CIT: variants seen among roughly 807,000 people sequenced by gnomAD.
CIT encodes citron rho-interacting serine/threonine kinase.
Under a neutral mutation model 272.7 loss-of-function variants are expected in CIT, and 79 were observed. The ratio of observed to expected loss-of-function variants is 0.29; its 90% confidence interval spans 0.24 to 0.35. The LOEUF is 0.35. CIT is among the 10% of genes least tolerant of loss of function. The pLI is 1.00. For synonymous variants in CIT, 948 were observed against 995.6 expected, an observed-to-expected ratio of 0.95 and a Z score of 0.90; for missense variants, 1,909 against 2,618.3, an observed-to-expected ratio of 0.73 and a Z score of 5.91.
At chr12:119,870,321 C>T (rs61945774) in intron 2 of CIT, among the ~76,000 whole-genome samples, 5,969 of 152,012 alleles carry the variant, frequency 0.039, 149 homozygotes, top group Non-Finnish European at 0.057. Context: ...GAGGCCAAGA[C>T]GGGTGGATCA....
intron 4 of CIT, among the ~76,000 whole-genome samples, chr12:119,852,951 G>C (rs1036072248): frequency 3.3e-5 from 5 of 152,044 alleles, no homozygotes; most frequent in African/African-American, 4.8e-5. Context: ...GTGACGGTTA[G>C]TCTTATGTGT....
intron 44 of CIT, 96 bp from the exon 45 acceptor site, chr12:119,698,150 C>T: frequency 2.7e-6 from 3 of 1,113,734 alleles, no homozygotes; most frequent in South Asian, 1.2e-5. Flanking sequence ...ACCCAGCAAT[C>T]CTGTGTAAAG....
chr12:119,734,468 A>ACT, intron 25 of CIT, 111 bp from the exon 26 acceptor site: 1 of 1,185,716 alleles, frequency 8.4e-7, no homozygotes, highest in South Asian at 1.3e-5. Flanking sequence ...ACAGTTTGAA[A>ACT]TGCGGTTTGT....
At position 119,728,700 on chromosome 12, in the gene CIT, A is replaced by C; in HGVS notation, c.3487-94T>G. On this transcript the variant is annotated intron_variant, in intron 27 of 47. Transcript: ENST00000392521. This position sits in a 1 kb window ranked among gnomAD's most constrained non-coding sequence, Gnocchi z 4.3. ...GTCCACGAACCTTCACGGAGAAAGA[A>C]TATTGAGTTCTAAAGGTCAGAACGT... The C allele has an allele frequency of 1.1e-6, 1 of 869,914 alleles. No homozygotes were observed. Among genetic ancestry groups the C allele is most frequent in the African/African-American group, 1.7e-5 (1 of 59,290 alleles). The allele number at this position is 869,914 out of a possible 1,614,324, so 53.9% of individuals were successfully genotyped here. A position where few individuals can be genotyped will look rare whatever the true frequency, so the allele number is the denominator to read the frequency against.
At chr12:119,785,467 A>G (rs912184737) in intron 10 of CIT, among the ~76,000 whole-genome samples, 2 of 152,172 alleles carry the variant, frequency 1.3e-5, no homozygotes, top group Non-Finnish European at 2.9e-5. Context: ...CAACCTCTAG[A>G]AGCTGGAAAA....
Position 119,776,350 on chromosome 12 carries a change from A to G in CIT, c.1887+8T>C, listed in dbSNP as rs1963744564. 6.2e-7 allele frequency: 1 copy of G among 1,610,718 alleles called. No homozygotes were observed. Among genetic ancestry groups the G allele is most frequent in the East Asian group, 2.2e-5 (1 of 44,826 alleles). On this transcript the variant is annotated splice_region_variant and intron_variant, in intron 15 of 47. Transcript: ENST00000392521. ...TATTAATAGCAAAACCAATCATGGA[A>G]AGTATACCTTCTCCAGTTTCGCATA...
At chr12:119,816,489 G>A (rs997624443) in intron 9 of CIT, among the ~76,000 whole-genome samples, 1 of 152,128 alleles carries the variant, frequency 6.6e-6, no homozygotes, top group Admixed American at 6.5e-5. Context: ...AAGAAACTCT[G>A]AGGCTAGCAT....
rs378510 is a variant in CIT, at chr12:119,819,820, T to C, written c.1111+3000A>G. 6.9e-3 allele frequency among the ~76,000 whole-genome samples: 1,046 copies of C among 152,296 alleles called. 15 individuals are homozygous for C. The highest frequency in any genetic ancestry group is 0.024 in the African/African-American group (1,004 of 41,552). On this transcript the variant is annotated intron_variant, in intron 9 of 47. Coordinates refer to ENST00000392521, the MANE Select transcript of CIT (RefSeq NM_001206999.2). ...ATGTTACAGTTACCTAGTTAGAAAA[T>C]AGCTTAAAGAGCATGGAGTCAAGCA...
intron 13 of CIT, among the ~76,000 whole-genome samples, chr12:119,780,143 T>C (rs958947533): frequency 5.3e-5 from 8 of 152,206 alleles, no homozygotes; most frequent in African/African-American, 1.9e-4. Flanking sequence ...GGAACACAAG[T>C]GACTTTTGTG....
At chr12:119,725,319 G>A (rs1958031938) in intron 28 of CIT, among the ~76,000 whole-genome samples, 1 of 152,032 alleles carries the variant, frequency 6.6e-6, no homozygotes, top group Non-Finnish European at 1.5e-5. Flanking sequence ...TCAGCTACTC[G>A]GGAGGCTGAG....
intron 9 of CIT, among the ~76,000 whole-genome samples, chr12:119,807,219 G>A (rs1055416267): frequency 3.3e-5 from 5 of 152,180 alleles, no homozygotes; most frequent in South Asian, 2.1e-4. Context: ...CAGAGACAAA[G>A]AGACGGAAAA....
intron 23 of CIT, among the ~76,000 whole-genome samples, chr12:119,744,946 CAAAAAATGCAGA>C (rs1460292868): frequency 6.6e-6 from 1 of 151,568 alleles, no homozygotes; most frequent in African/African-American, 2.4e-5. Flanking sequence ...AAGGCATTTT[CAAAAAATGCAGA>C]GCATCAGGGA....
At position 119,785,112 on chromosome 12, in the gene CIT, AGAAGCTGCATTAG is replaced by A. The variant is rs555145495; in HGVS notation, c.1296-60_1296-48del. The stretch of plus-strand genomic sequence containing the variant: ...TCAAGGGGGCCTGCAGGTGGGCCTA[AGAAGCTGCATTAG>A]GAAGCTGCAACATTTGTTTCATTTT... On this transcript the variant is annotated intron_variant, in intron 10 of 47. Coordinates refer to ENST00000392521, the MANE Select transcript of CIT (RefSeq NM_001206999.2). The A allele has an allele frequency of 9.8e-5, 156 of 1,594,796 alleles. 1 individual carries two copies. The East Asian group carries it at 3.2e-3, about 33-fold the overall frequency.
At chr12:119,805,980 C>CA (rs1250769771) in intron 9 of CIT, among the ~76,000 whole-genome samples, 5 of 151,626 alleles carry the variant, frequency 3.3e-5, no homozygotes, top group Admixed American at 1.3e-4. Context: ...ATTAAAAATA[C>CA]AAAAAAATTA....
chr12:119,765,468 AC>A (rs1045340795), intron 19 of CIT, among the ~76,000 whole-genome samples: 3 of 120,034 alleles, frequency 2.5e-5, no homozygotes, highest in African/African-American at 9.9e-5. Flanking sequence ...AAAGAAACAG[AC>A]TTTTTTTTTT....
chr12:119,746,974 A>G (rs747027903), intron 23 of CIT, among the ~76,000 whole-genome samples: 32 of 152,380 alleles, frequency 2.1e-4, no homozygotes, highest in African/African-American at 5.3e-4. Context: ...AGCAAAACGC[A>G]TAAGACAAGC....
At chr12:119,746,627 TC>T (rs1353859637) in intron 23 of CIT, among the ~76,000 whole-genome samples, 2 of 152,204 alleles carry the variant, frequency 1.3e-5, no homozygotes, top group African/African-American at 4.8e-5. Flanking sequence ...CATTTAACTC[TC>T]CCACTGGAGT....
In CIT at chr12:119,713,772, G is replaced by T. The variant is rs777069838; in HGVS notation, c.4307-124C>A. ...GGCCCAGAGAGTCTGGCCCTGGCTT[G>T]CAGGTAGTCTCCTGAGCTTCCCCTG... is the stretch of plus-strand genomic sequence containing the variant. On this transcript the variant is annotated intron_variant, in intron 33 of 47. Coordinates refer to ENST00000392521, the MANE Select transcript of CIT (RefSeq NM_001206999.2). The surrounding 1 kb of genome is among the most constrained non-coding windows in gnomAD (Gnocchi z 5.2). The T allele has an allele frequency of 2.9e-6, 3 of 1,020,464 alleles. No homozygotes were observed. The highest frequency in any genetic ancestry group is 2.5e-5 in the East Asian group (1 of 40,238). 63.2% of individuals were successfully genotyped at this position (1,020,464 alleles called of 1,614,324 possible).
rs151142852 is a variant in CIT at position 119,694,245 on chromosome 12, T to C, written c.5882+3414A>G. Among the ~76,000 whole-genome samples the C allele has an allele frequency of 1.3e-5, 2 of 152,288 alleles. No individual in the cohort carries two copies. The highest frequency in any genetic ancestry group is 3.9e-4 in the East Asian group (2 of 5,184). On this transcript the variant is annotated intron_variant, in intron 46 of 47. Coordinates refer to ENST00000392521, the MANE Select transcript of CIT (RefSeq NM_001206999.2). This position sits in a 1 kb window ranked among gnomAD's most constrained non-coding sequence, Gnocchi z 4.5. ...CATCACCCATTCACCCACACTTTTC[T>C]AGGAATTTATCCTACAGATAGATTC... is the stretch of plus-strand genomic sequence containing the variant.
Sources: allele counts gnomAD v4.1 joint callset (sites outside exome capture counted in the v4.1 genomes callset), GRCh38; gene constraint gnomAD v4.1.1; non-coding constraint Gnocchi (gnomAD v3.1); transcripts MANE v1.5; gene names NCBI Gene and HGNC (gene_info 2026-07-23, HGNC 2026-07-21).